The following ZC3H12B variants were observed in gnomAD, a reference collection of about 807,000 sequenced individuals.
ZC3H12B encodes the protein zinc finger CCCH-type containing 12B, also known as probable ribonuclease ZC3H12B.
ZC3H12B carries 7 observed loss-of-function variants against 43.9 expected under a neutral mutation model. That is an observed-to-expected ratio of 0.16 (90% confidence interval 0.09 to 0.30). The LOEUF (loss-of-function observed/expected upper bound fraction) is 0.30, where lower values mean the gene tolerates loss of function less well. Among genes scored for constraint, ZC3H12B ranks in the 10% least tolerant of loss-of-function variants. The pLI, the probability that ZC3H12B is intolerant of heterozygous loss-of-function variation, is 1.00. For synonymous variants in ZC3H12B, 222 were observed against 241.7 expected (o/e 0.92, Z 0.76); for missense variants, 475 against 670.2 (o/e 0.71, Z 3.22).
the ZC3H12B span, among the ~76,000 whole-genome samples, chrX:65,259,990 A>G: frequency 3.8e-4 from 43 of 111,868 alleles, no homozygotes; most frequent in Non-Finnish European, 6.8e-4. Context: ...TAAATATCAT[A>G]TGTTCTCACT....
the ZC3H12B span, among the ~76,000 whole-genome samples, chrX:65,257,900 A>C: frequency 9.0e-6 from 1 of 111,365 alleles, no homozygotes; most frequent in African/African-American, 3.3e-5. Flanking sequence ...AAAGACTACC[A>C]ACTGGAAGAA....
the ZC3H12B span, among the ~76,000 whole-genome samples, chrX:65,222,197 C>A: frequency 9.0e-6 from 1 of 111,474 alleles, no homozygotes; most frequent in South Asian, 3.7e-4. Flanking sequence ...AAGGGGCATA[C>A]CTTATTGTAA....
chrX:65,134,138 G>C, the ZC3H12B span, among the ~76,000 whole-genome samples: 1 of 110,840 alleles, frequency 9.0e-6, no homozygotes, highest in Admixed American at 9.6e-5. Flanking sequence ...GAGGGTGGAA[G>C]GTTGCCCATA....
intron 2 of ZC3H12B, among the ~76,000 whole-genome samples, chrX:65,377,965 G>A (rs2066370908): frequency 9.0e-6 from 1 of 110,619 alleles, no homozygotes; most frequent in African/African-American, 3.3e-5. Context: ...CGGGCATGGT[G>A]GCTGGTGCCA....
At chrX:65,055,734 G>T in the ZC3H12B span, among the ~76,000 whole-genome samples, 3 of 111,084 alleles carry the variant, frequency 2.7e-5, no homozygotes, top group African/African-American at 9.8e-5. Flanking sequence ...TTTTTGGTTG[G>T]TATGCTATTA....
At chrX:65,155,627 G>C in the ZC3H12B span, among the ~76,000 whole-genome samples, 1 of 111,416 alleles carries the variant, frequency 9.0e-6, no homozygotes, top group South Asian at 3.8e-4. Context: ...CCCAAGGCAG[G>C]AGGATCCATT....
chrX:65,459,119 T>C (rs993111752), intron 3 of ZC3H12B, among the ~76,000 whole-genome samples: 7 of 111,928 alleles, frequency 6.3e-5, no homozygotes, highest in African/African-American at 2.0e-4. Context: ...AAGAAATGGA[T>C]AAATTCCTCG....
At chrX:65,351,782 A>T in the ZC3H12B span, among the ~76,000 whole-genome samples, 5 of 112,500 alleles carry the variant, frequency 4.4e-5, no homozygotes, top group African/African-American at 1.6e-4. Context: ...ATCTCACATG[A>T]GTTGGAATGG....
At chrX:65,451,010 C>T (rs780128595) in intron 3 of ZC3H12B, among the ~76,000 whole-genome samples, 47 of 106,491 alleles carry the variant, frequency 4.4e-4, no homozygotes, top group Non-Finnish European at 6.9e-4. Context: ...TGCAGTGGTG[C>T]GATCTCACCT....
the ZC3H12B span, among the ~76,000 whole-genome samples, chrX:65,192,362 G>C: frequency 5.4e-5 from 6 of 110,826 alleles, no homozygotes; most frequent in Non-Finnish European, 9.4e-5. Context: ...TTGTCTGATT[G>C]CTCTAATTGG....
chrX:65,054,375 C>G, the ZC3H12B span, among the ~76,000 whole-genome samples: 4 of 111,253 alleles, frequency 3.6e-5, no homozygotes, highest in Non-Finnish European at 5.7e-5. Flanking sequence ...AATCCTTTCC[C>G]CATTTCTTGT....
the ZC3H12B span, among the ~76,000 whole-genome samples, chrX:65,219,224 GA>G: frequency 9.0e-6 from 1 of 111,555 alleles, no homozygotes; most frequent in Admixed American, 9.5e-5. Context: ...CAAATGAGAA[GA>G]AACCAGAAAA....
chrX:65,158,507 T>A, the ZC3H12B span, among the ~76,000 whole-genome samples: 2 of 112,297 alleles, frequency 1.8e-5, no homozygotes, highest in Admixed American at 1.9e-4. Flanking sequence ...TTGATTTGCA[T>A]TTCTCTGATG....
the ZC3H12B span, among the ~76,000 whole-genome samples, chrX:65,238,880 G>A: frequency 6.3e-5 from 7 of 111,941 alleles, no homozygotes; most frequent in African/African-American, 2.3e-4. Flanking sequence ...CAATCTTCAT[G>A]TAGTTGTTTG....
chrX:65,328,170 G>A, the ZC3H12B span: 1 of 220,296 alleles, frequency 4.5e-6, no homozygotes, highest in Non-Finnish European at 9.3e-6. Flanking sequence ...AATAATCTCA[G>A]TAGATATGGC....
the ZC3H12B span, among the ~76,000 whole-genome samples, chrX:65,287,107 TC>T: frequency 9.0e-6 from 1 of 110,638 alleles, no homozygotes; most frequent in Non-Finnish European, 1.9e-5. Context: ...AACACCCCAC[TC>T]CCAGAATTAG....
intron 3 of ZC3H12B, among the ~76,000 whole-genome samples, chrX:65,429,627 A>T (rs1192612200): frequency 8.9e-6 from 1 of 112,310 alleles, no homozygotes; most frequent in African/African-American, 3.2e-5. Context: ...GGAGTGGCTG[A>T]GTCAACCAAA....
chrX:65,188,680 A>G, the ZC3H12B span, among the ~76,000 whole-genome samples: 1 of 110,893 alleles, frequency 9.0e-6, no homozygotes, highest in Admixed American at 9.7e-5. Flanking sequence ...ATGGTAAATG[A>G]AATTATTTCT....
At chrX:65,225,264 A>G in the ZC3H12B span, among the ~76,000 whole-genome samples, 4 of 112,477 alleles carry the variant, frequency 3.6e-5, no homozygotes, top group Admixed American at 3.7e-4. Context: ...CCAGGCAAAC[A>G]GGGTCTGGAG....
Sources: gnomAD v4.1 joint callset for allele counts (sites outside exome capture counted in the v4.1 genomes callset) on GRCh38, gnomAD v4.1.1 for gene constraint, MANE v1.5 for transcripts, NCBI Gene and HGNC (gene_info 2026-07-23, HGNC 2026-07-21) for gene names.